Variants in PKD1L1 observed in about 807,000 individuals in gnomAD.
The protein encoded by PKD1L1 is polycystin-1-like protein 1.
Under a neutral mutation model 323.4 loss-of-function variants are expected in PKD1L1, and 236 were observed. That is an observed-to-expected ratio of 0.73 (90% confidence interval 0.66 to 0.81). PKD1L1 has a LOEUF of 0.81. Ranked by LOEUF, PKD1L1 falls within the 40% of genes least tolerant of loss-of-function variation. PKD1L1 has a pLI of 0.00. For synonymous variants in PKD1L1, 1,344 were observed against 1,335.0 expected, an observed-to-expected ratio of 1.01 and a Z score of -0.15; for missense variants, 3,320 against 3,508.0, an observed-to-expected ratio of 0.95 and a Z score of 1.35.
At chr7:47,930,220 GTT>G (rs760416371) in intron 6 of PKD1L1, among the ~76,000 whole-genome samples, 1 of 145,526 alleles carries the variant, frequency 6.9e-6, no homozygotes, top group Non-Finnish European at 1.5e-5. Flanking sequence ...ATGCTCCCAT[GTT>G]TTTTTTTTTT....
intron 4 of PKD1L1, among the ~76,000 whole-genome samples, chr7:47,932,552 G>A (rs76577236): frequency 0.012 from 1,864 of 152,322 alleles, 37 homozygotes; most frequent in African/African-American, 0.043. Flanking sequence ...CAGCAGGGAC[G>A]AGGGTCAGTT....
At chr7:47,811,759 A>T (rs1370349283) in intron 50 of PKD1L1, 58 bp downstream of exon 50, 4 of 1,413,112 alleles carry the variant, frequency 2.8e-6, no homozygotes, top group Non-Finnish European at 3.9e-6. Flanking sequence ...AGCCCAGCCC[A>T]GGTGAAGCCC....
At chr7:47,913,605 C>T (rs184450557) in intron 8 of PKD1L1, among the ~76,000 whole-genome samples, 308 of 152,260 alleles carry the variant, frequency 2.0e-3, no homozygotes, top group East Asian at 0.017. Context: ...ACCTCCCCCC[C>T]TCTTGCTCCT....
At chr7:47,824,768 TC>T (rs991640830) in intron 45 of PKD1L1, among the ~76,000 whole-genome samples, 1 of 152,162 alleles carries the variant, frequency 6.6e-6, no homozygotes, top group Non-Finnish European at 1.5e-5. Flanking sequence ...TGCAGGCCTC[TC>T]CCTAGGAGCC....
intron 54 of PKD1L1, among the ~76,000 whole-genome samples, chr7:47,799,783 T>A (rs961823471): frequency 1.3e-5 from 2 of 151,980 alleles, no homozygotes; most frequent in Non-Finnish European, 2.9e-5. Context: ...AGAGCAGGGG[T>A]CCCAACCCTG....
At chr7:47,952,210 A>C (rs571204731), upstream of PKD1L1, among the ~76,000 whole-genome samples, 1 of 152,342 alleles carries the variant, frequency 6.6e-6, no homozygotes, top group African/African-American at 2.4e-5. Flanking sequence ...AGAAAGAAAA[A>C]TTGATAAGAT....
chr7:47,918,059 C>T (rs1787465381), intron 7 of PKD1L1, among the ~76,000 whole-genome samples: 1 of 152,072 alleles, frequency 6.6e-6, no homozygotes, highest in African/African-American at 2.4e-5. Flanking sequence ...GATAAGAATT[C>T]ACCAACCAAC....
rs10499668 is a variant in PKD1L1 at position 47,897,769 on chromosome 7, C to T, written c.2271+219G>A. 0.46 allele frequency among the ~76,000 whole-genome samples: 70,385 copies of T among 151,980 alleles called. 17,026 individuals carry two copies. The highest frequency in any genetic ancestry group is 0.59 in the African/African-American group (24,362 of 41,440). On this transcript the variant is annotated intron_variant, in intron 14 of 56. Coordinates refer to ENST00000289672, the MANE Select transcript of PKD1L1 (RefSeq NM_138295.5). The stretch of plus-strand genomic sequence containing the variant: ...GTTTTGTTATACACATTGGAAGGAG[C>T]TTTTCATCAATTGCTTTGACTGCAT...
At chr7:47,825,269 C>A (rs1278902784) in intron 45 of PKD1L1, among the ~76,000 whole-genome samples, 1 of 150,414 alleles carries the variant, frequency 6.6e-6, no homozygotes, top group East Asian at 1.9e-4. Flanking sequence ...GTGGCTCATG[C>A]CTATAATCCC....
At chr7:47,906,722 T>G (rs1292846951) in intron 9 of PKD1L1, among the ~76,000 whole-genome samples, 2 of 152,210 alleles carry the variant, frequency 1.3e-5, no homozygotes, top group Admixed American at 1.3e-4. Flanking sequence ...GAGAAAATAC[T>G]TGTTTATAAC....
At chr7:47,777,563 A>C (rs535878814) in intron 56 of PKD1L1, among the ~76,000 whole-genome samples, 6 of 152,212 alleles carry the variant, frequency 3.9e-5, no homozygotes, top group Non-Finnish European at 8.8e-5. Flanking sequence ...CATCATTTAC[A>C]GTCAAAACTA....
chr7:47,833,259 T>C lies in PKD1L1; in HGVS notation c.6175-7A>G, dbSNP rs1785386566. The C allele has an allele frequency of 6.2e-7, 1 of 1,611,114 alleles. No individual in the cohort carries two copies. On this transcript the variant is annotated splice_polypyrimidine_tract_variant and splice_region_variant and intron_variant, in intron 40 of 56. Transcript: ENST00000289672. ...GAATGGCTGATGCAGGTTGCTAGAA[T>C]GACAAGGTCATGCCAAGGTTAATAT...
upstream of PKD1L1, among the ~76,000 whole-genome samples, chr7:47,949,277 G>A (rs1788165179): frequency 6.8e-6 from 1 of 147,512 alleles, no homozygotes; most frequent in Non-Finnish European, 1.5e-5. Context: ...GCTGAGGCAG[G>A]AGAATTGCTC....
chr7:47,950,605 G>A (rs1028890722), upstream of PKD1L1, among the ~76,000 whole-genome samples: 4 of 152,098 alleles, frequency 2.6e-5, no homozygotes, highest in Non-Finnish European at 5.9e-5. Context: ...AGCTATCCAG[G>A]AGGCTGAGGC....
At chr7:47,955,583 T>C in the PKD1L1 span, among the ~76,000 whole-genome samples, 1 of 152,242 alleles carries the variant, frequency 6.6e-6, no homozygotes, top group Admixed American at 6.5e-5. Flanking sequence ...GTACACTTTT[T>C]TCTGTAACAT....
rs562629285 is a variant in PKD1L1, at chr7:47,931,896, G to A, written c.519+40C>T. 5.0e-6 allele frequency: 8 copies of A among 1,586,934 alleles called. No homozygotes were observed. The African/African-American group carries it at 9.4e-5, about 19-fold the overall frequency. ...CATATGCATCAGATGCTCACCAGCA[G>A]CTTTCTGATGAAATTCAATTGCAGG... On this transcript the variant is annotated intron_variant, in intron 5 of 56. Transcript: ENST00000289672.
chr7:47,899,779 A>G (rs1190752199), intron 13 of PKD1L1, among the ~76,000 whole-genome samples: 2 of 152,074 alleles, frequency 1.3e-5, no homozygotes, highest in Non-Finnish European at 2.9e-5. Flanking sequence ...ACACGGTGAA[A>G]CCCTGTTTTT....
intron 51 of PKD1L1, 51 bp from the exon 52 acceptor site, chr7:47,808,438 C>T: frequency 1.2e-6 from 2 of 1,606,088 alleles, no homozygotes; most frequent in Non-Finnish European, 1.7e-6. Context: ...GAAGGGCTTA[C>T]CTGGCACCCC....
chr7:47,801,427 G>A (rs985417836), intron 53 of PKD1L1, among the ~76,000 whole-genome samples: 1 of 152,190 alleles, frequency 6.6e-6, no homozygotes, highest in African/African-American at 2.4e-5. Flanking sequence ...CACTGGCTCC[G>A]TTCATGCTTC....
Sources: gnomAD v4.1 joint callset for allele counts (sites outside exome capture counted in the v4.1 genomes callset) on GRCh38, gnomAD v4.1.1 for gene constraint, MANE v1.5 for transcripts, NCBI Gene and HGNC (gene_info 2026-07-23, HGNC 2026-07-21) for gene names.